The following CTNND1 variants were observed in gnomAD, a reference collection of about 807,000 sequenced individuals.
The protein encoded by CTNND1 is catenin delta-1.
CTNND1 carries 16 observed loss-of-function variants against 112.1 expected under a neutral mutation model. The ratio of observed to expected loss-of-function variants is 0.14; its 90% confidence interval spans 0.10 to 0.22. The LOEUF is 0.22. Ranked by LOEUF, CTNND1 falls within the 10% of genes least tolerant of loss-of-function variation. The pLI, the probability that CTNND1 is intolerant of heterozygous loss-of-function variation, is 1.00. For synonymous variants in CTNND1, 420 were observed against 446.5 expected, an observed-to-expected ratio of 0.94 and a Z score of 0.75; for missense variants, 1,008 against 1,257.0, an observed-to-expected ratio of 0.80 and a Z score of 3.00.
At chr11:57,798,861 A>G (rs1214602426) in intron 6 of CTNND1, among the ~76,000 whole-genome samples, 1 of 152,168 alleles carries the variant, frequency 6.6e-6, no homozygotes, top group Non-Finnish European at 1.5e-5. Context: ...GGGGATGTAC[A>G]AAAACAGGTT....
At chr11:57,815,688 G>A in intron 19 of CTNND1, 188 bp downstream of exon 19, 1 of 787,854 alleles carries the variant, frequency 1.3e-6, no homozygotes, top group Non-Finnish European at 2.3e-6. Context: ...TGGTCAAAAT[G>A]GGGGAAGCAT....
At chr11:57,815,598 C>A in intron 19 of CTNND1, 98 bp downstream of exon 19, 1 of 1,064,014 alleles carries the variant, frequency 9.4e-7, no homozygotes, top group Non-Finnish European at 1.5e-6. Flanking sequence ...AGAAAGATCG[C>A]ATCCTTTTCT....
Position 57,791,583 on chromosome 11 carries a change from C to T in CTNND1, c.105C>T (p.Arg35=). The part of the protein sequence containing the change: ...KLTRALEEER[R]HVSAQLERVR... ...CCCGGGCGCTGGAGGAGGAACGGCG[C>T]CACGTCTCGGCGCAGCTGGAACGCG... Residue 35 remains arginine (R), a synonymous_variant, in exon 3 of 21, where the codon CGC becomes CGT. Coordinates refer to ENST00000399050, the MANE Select transcript of CTNND1 (RefSeq NM_001085458.2). The T allele has an allele frequency of 6.2e-7, 1 of 1,611,770 alleles. No homozygotes were observed. Among genetic ancestry groups the T allele is most frequent in the Non-Finnish European group, 8.5e-7 (1 of 1,179,028 alleles).
Position 57,796,987 on chromosome 11 carries a change from C to T in CTNND1, c.951C>T (p.Arg317=). The part of the protein sequence containing the change: ...RTGTPSDPRR[R]LRSYEDMIGE... ...GGACACCCTCTGACCCTCGTCGGCG[C>T]CTCAGGTAGGCAAGAATAGGGGAAG... is the stretch of plus-strand genomic sequence containing the variant. The change falls in exon 6 of 21, where the codon CGC becomes CGT. Residue 317 remains arginine (R), a synonymous_variant. Transcript: ENST00000399050. 6.8e-7 allele frequency: 1 copy of T among 1,462,288 alleles called. No individual in the cohort carries two copies. Among genetic ancestry groups the T allele is most frequent in the Non-Finnish European group, 9.1e-7 (1 of 1,097,434 alleles). 90.6% of individuals were successfully genotyped at this position (1,462,288 alleles called of 1,614,324 possible). A position where few individuals can be genotyped will look rare whatever the true frequency, so the allele number is the denominator to read the frequency against.
intron 6 of CTNND1, among the ~76,000 whole-genome samples, chr11:57,799,992 T>TG (rs1425489829): frequency 1.4e-5 from 2 of 144,206 alleles, no homozygotes; most frequent in African/African-American, 5.1e-5. Flanking sequence ...TTTTTTTTTT[T>TG]TTTTTTTTTT....
intron 5 of CTNND1, among the ~76,000 whole-genome samples, chr11:57,795,933 A>T (rs964488408): frequency 1.3e-5 from 2 of 152,216 alleles, no homozygotes; most frequent in Non-Finnish European, 1.5e-5. Flanking sequence ...ATCAGGGTCT[A>T]TAGTAGCTTC....
At chr11:57,767,987 C>T (rs933518992) in intron 1 of CTNND1, among the ~76,000 whole-genome samples, 4 of 151,970 alleles carry the variant, frequency 2.6e-5, no homozygotes, top group African/African-American at 9.7e-5. Context: ...GTGCCCGCCA[C>T]CACGCCCGGC....
rs1435197705 is a variant in CTNND1 at position 57,816,397 on chromosome 11, A to T, written c.*89A>T. On this transcript the variant is annotated 3_prime_UTR_variant, in exon 21 of 21. Coordinates refer to ENST00000399050, the MANE Select transcript of CTNND1 (RefSeq NM_001085458.2). Reference sequence around the variant, plus strand: ...GATGATTTTCCTTTTTCTTCGCTGGACTATTGTGCCAACTGCCAGGCTGCC... The same window carrying T: ...GATGATTTTCCTTTTTCTTCGCTGGTCTATTGTGCCAACTGCCAGGCTGCC... The T allele has an allele frequency of 1.9e-6, 3 of 1,551,936 alleles. No homozygotes were observed. The highest frequency in any genetic ancestry group is 2.7e-5 in the African/African-American group (2 of 73,552).
intron 9 of CTNND1, 119 bp downstream of exon 9, chr11:57,804,899 C>T (rs574496166): frequency 6.5e-4 from 455 of 696,560 alleles, no homozygotes; most frequent in Non-Finnish European, 9.8e-4. Flanking sequence ...TTTATACTGT[C>T]CCCTACCCCT....
At chr11:57,780,413 A>G (rs973336264) in intron 1 of CTNND1, among the ~76,000 whole-genome samples, 4 of 152,148 alleles carry the variant, frequency 2.6e-5, no homozygotes, top group African/African-American at 9.7e-5. Context: ...CCACTTTATC[A>G]AGAAGGAGCA....
chr11:57,767,858 G>T (rs1324350683), intron 1 of CTNND1, among the ~76,000 whole-genome samples: 2 of 150,424 alleles, frequency 1.3e-5, no homozygotes, highest in Non-Finnish European at 3.0e-5. Flanking sequence ...TTTTGAGACG[G>T]AGTCTTGCTC....
At position 57,791,586 on chromosome 11, in the gene CTNND1, C is replaced by G; in HGVS notation, c.108C>G (p.His36Gln). 1.2e-6 allele frequency: 2 copies of G among 1,611,540 alleles called. No individual in the cohort carries two copies. Among genetic ancestry groups the G allele is most frequent in the East Asian group, 2.2e-5 (1 of 44,618 alleles). Residue 36 changes from histidine to glutamine, a missense_variant, in exon 3 of 21, where the codon CAC becomes CAG. Transcript: ENST00000399050. ...GGGCGCTGGAGGAGGAACGGCGCCA[C>G]GTCTCGGCGCAGCTGGAACGCGTCC... is the stretch of plus-strand genomic sequence containing the variant. ...LTRALEEERR[H>Q]VSAQLERVRV... is the part of the protein sequence containing the mutation.
intron 1 of CTNND1, among the ~76,000 whole-genome samples, chr11:57,774,053 G>A (rs11229121): frequency 0.034 from 5,164 of 152,234 alleles, 304 homozygotes; most frequent in African/African-American, 0.12. Context: ...AGTCTTCGGT[G>A]ACACATGTTT....
chr11:57,786,633 GTTTGTAGTGTGATCT>G (rs1428129982), intron 1 of CTNND1, among the ~76,000 whole-genome samples: 1 of 152,180 alleles, frequency 6.6e-6, no homozygotes, highest in Non-Finnish European at 1.5e-5. Context: ...TCAGCTGAAG[GTTTGTAGTGTGATCT>G]TTTTGATGCA....
intron 1 of CTNND1, among the ~76,000 whole-genome samples, chr11:57,783,243 G>A (rs1040895515): frequency 7.2e-5 from 11 of 151,916 alleles, no homozygotes; most frequent in African/African-American, 4.8e-5. Flanking sequence ...CCGAGATGAC[G>A]GCATTGCATC....
intron 17 of CTNND1, 152 bp from the exon 18 acceptor site, chr11:57,814,158 CT>C (rs914216167): frequency 1.8e-5 from 11 of 621,182 alleles, no homozygotes; most frequent in Non-Finnish European, 2.9e-5. Flanking sequence ...CTACAAAAAG[CT>C]TAAAAATTAT....
At chr11:57,790,561 T>G (rs1475295627) in intron 2 of CTNND1, among the ~76,000 whole-genome samples, 6 of 141,296 alleles carry the variant, frequency 4.2e-5, no homozygotes, top group South Asian at 4.7e-4. Flanking sequence ...TGTTTTTTTT[T>G]TTTTTTTTTT....
intron 8 of CTNND1, among the ~76,000 whole-genome samples, chr11:57,804,430 C>T (rs1004232532): frequency 6.6e-6 from 1 of 152,154 alleles, no homozygotes; most frequent in Non-Finnish European, 1.5e-5. Context: ...TATATTCCAT[C>T]TTGAATTACT....
At chr11:57,801,158 C>T (rs1177524771) in intron 6 of CTNND1, among the ~76,000 whole-genome samples, 1 of 152,082 alleles carries the variant, frequency 6.6e-6, no homozygotes, top group African/African-American at 2.4e-5. Context: ...AGCAGGAAGC[C>T]CTTTATTAGT....
Sources: allele counts gnomAD v4.1 joint callset (sites outside exome capture counted in the v4.1 genomes callset), GRCh38; gene constraint gnomAD v4.1.1; transcripts MANE v1.5; gene names NCBI Gene and HGNC (gene_info 2026-07-23, HGNC 2026-07-21).